PHF14: variants seen among roughly 807,000 people sequenced by gnomAD.
PHF14 encodes PHD finger protein 14.
A neutral mutation model predicts 117.9 loss-of-function variants in PHF14; 55 were observed. That is an observed-to-expected ratio of 0.47 (90% CI 0.38 to 0.58). The LOEUF (loss-of-function observed/expected upper bound fraction) is 0.58. Among genes scored for constraint, PHF14 ranks in the 20% least tolerant of loss-of-function variants. PHF14 has a pLI of 0.00. For missense variants in PHF14, 978 were observed against 1,122.2 expected (o/e 0.87, Z 1.84); for synonymous variants, 409 against 368.6 (o/e 1.11, Z -1.26).
Position 10,974,830 on chromosome 7 carries a change from C to G in PHF14, c.2-5C>G, listed in dbSNP as rs762381739. 1.0e-5 allele frequency: 15 copies of G among 1,495,834 alleles called. No individual in the cohort carries two copies. In the South Asian group the frequency reaches 1.6e-4, roughly 16 times the overall value. 92.7% of individuals were successfully genotyped at this position (1,495,834 alleles called of 1,614,324 possible). On this transcript the variant is annotated splice_polypyrimidine_tract_variant and splice_region_variant and intron_variant, in intron 1 of 17. Transcript: ENST00000634607. ...AATGACAATGTAATTTTTTTCTCTT[C>G]ACAGTGGATCGCAGCTCCAAGAGGA...
intron 17 of PHF14, among the ~76,000 whole-genome samples, chr7:11,158,938 T>G (rs1047017649): frequency 1.4e-4 from 21 of 152,230 alleles, no homozygotes; most frequent in Admixed American, 3.9e-4. Context: ...ATCTAGATAT[T>G]TTGTTATTTA....
chr7:11,052,809 C>CTTT (rs1784888240), intron 14 of PHF14, among the ~76,000 whole-genome samples: 1 of 152,054 alleles, frequency 6.6e-6, no homozygotes, highest in African/African-American at 2.4e-5. Flanking sequence ...GGGGTGTTTA[C>CTTT]CTTTTTCTCA....
intron 13 of PHF14, 58 bp from the exon 14 acceptor site, chr7:11,051,554 T>C: frequency 1.5e-6 from 2 of 1,377,050 alleles, no homozygotes; most frequent in Admixed American, 2.5e-5. Flanking sequence ...ATAAAAACTA[T>C]AGCTAAAGCC....
intron 7 of PHF14, among the ~76,000 whole-genome samples, chr7:11,033,644 T>C (rs1784207139): frequency 1.3e-5 from 2 of 152,188 alleles, no homozygotes; most frequent in African/African-American, 4.8e-5. Context: ...GTTTCTGCCA[T>C]AGTAAGTATT....
At chr7:11,161,259 GT>G (rs1789016166) in intron 17 of PHF14, among the ~76,000 whole-genome samples, 1 of 152,020 alleles carries the variant, frequency 6.6e-6, no homozygotes, top group Non-Finnish European at 1.5e-5. Context: ...CTCAATACAA[GT>G]TTTAAGTTTG....
At position 10,974,317 on chromosome 7, in the gene PHF14, A is replaced by T; in HGVS notation, c.-7A>T. ...TCTTCTCCAAACGACCACCTCACGG[A>T]TTCCTTAGTAAGTGTATCCGAGGCC... On this transcript the variant is annotated 5_prime_UTR_variant, in exon 1 of 18. Transcript: ENST00000634607. 1 of 1,591,038 alleles carries T rather than the reference A, an allele frequency of 6.3e-7. No homozygotes were observed. Among genetic ancestry groups the T allele is most frequent in the Non-Finnish European group, 8.6e-7 (1 of 1,168,166 alleles).
chr7:11,067,054 A>G (rs1010670465), intron 16 of PHF14, among the ~76,000 whole-genome samples: 3 of 152,184 alleles, frequency 2.0e-5, no homozygotes, highest in African/African-American at 7.2e-5. Flanking sequence ...ATAGGGGGGA[A>G]TATTTGCAAG....
At chr7:11,027,679 C>T (rs1288732152) in intron 6 of PHF14, among the ~76,000 whole-genome samples, 2 of 151,794 alleles carry the variant, frequency 1.3e-5, no homozygotes, top group Non-Finnish European at 2.9e-5. Context: ...ACCAATTTCA[C>T]CTGATTATTA....
At chr7:11,063,008 A>G in intron 16 of PHF14, 2 of 793,530 alleles carry the variant, frequency 2.5e-6, no homozygotes, top group Non-Finnish European at 3.1e-6. Flanking sequence ...CAAATATATT[A>G]GTGTTGTTGT....
chr7:11,025,357 G>A (rs1783870829), intron 6 of PHF14, among the ~76,000 whole-genome samples: 1 of 152,188 alleles, frequency 6.6e-6, no homozygotes, highest in South Asian at 2.1e-4. Flanking sequence ...TGATTAAGCA[G>A]GAAGAGGGTT....
At chr7:11,024,797 C>T (rs1783854467) in intron 6 of PHF14, among the ~76,000 whole-genome samples, 1 of 152,182 alleles carries the variant, frequency 6.6e-6, no homozygotes, top group South Asian at 2.1e-4. Context: ...TGATGAAGTA[C>T]AAGGAGATTA....
Position 11,022,946 on chromosome 7 carries a change from A to T in PHF14, c.1284A>T (p.Leu428=), listed in dbSNP as rs1342808046. Residue 428 remains leucine, a synonymous_variant, in exon 6 of 18, where the codon CTA becomes CTT. Coordinates refer to ENST00000634607, the MANE Select transcript of PHF14 (RefSeq NM_001007157.2). ...TTGACAAATTACGACCAGTAACACT[A>T]ACGGAAATGAACTATTCCAAATATG... ...GDIDKLRPVT[L]TEMNYSKYGA... 6.2e-7 allele frequency: 1 copy of T among 1,606,586 alleles called. No homozygotes were observed. Among genetic ancestry groups the T allele is most frequent in the Non-Finnish European group, 8.5e-7 (1 of 1,174,660 alleles).
In PHF14 at chr7:10,974,121, G is replaced by A. The variant is rs1781777942; in HGVS notation, c.-203G>A. 1 of 583,782 alleles carries A rather than the reference G, an allele frequency of 1.7e-6. No homozygotes were observed. The highest frequency in any genetic ancestry group is 2.0e-5 in the South Asian group (1 of 50,660). The allele number at this position is 583,782 out of a possible 1,614,324, so 36.2% of individuals were successfully genotyped here. A position where few individuals can be genotyped will look rare whatever the true frequency, so the allele number is the denominator to read the frequency against. On this transcript the variant is annotated 5_prime_UTR_variant, in exon 1 of 18. Coordinates refer to ENST00000634607, the MANE Select transcript of PHF14 (RefSeq NM_001007157.2). The stretch of plus-strand genomic sequence containing the variant: ...CTGTGGGAAGGGGCTCGAGCGGCCA[G>A]GGCCAGGCGAGGCCGGGGGGGCGGG...
chr7:11,147,383 T>C (rs573448762), intron 17 of PHF14, among the ~76,000 whole-genome samples: 1 of 152,298 alleles, frequency 6.6e-6, no homozygotes, highest in South Asian at 2.1e-4. Flanking sequence ...CTCCAGTTAT[T>C]ATCCATGTTC....
At chr7:11,076,523 G>A (rs1394352782) in intron 16 of PHF14, among the ~76,000 whole-genome samples, 1 of 149,954 alleles carries the variant, frequency 6.7e-6, no homozygotes, top group Non-Finnish European at 1.5e-5. Flanking sequence ...ATTGGGAACT[G>A]AATCTTCTTT....
intron 17 of PHF14, among the ~76,000 whole-genome samples, chr7:11,129,131 A>G (rs1381960635): frequency 2.0e-5 from 3 of 152,084 alleles, no homozygotes; most frequent in East Asian, 1.9e-4. Flanking sequence ...CTCCACTGCT[A>G]GCCTATTTTC....
chr7:11,107,654 C>A, intron 16 of PHF14: 1 of 663,366 alleles, frequency 1.5e-6, no homozygotes, highest in Non-Finnish European at 1.9e-6. Flanking sequence ...TAAGACATTG[C>A]CTTCCTATTT....
At chr7:11,051,564 C>T in intron 13 of PHF14, 48 bp from the exon 14 acceptor site, 2 of 1,476,312 alleles carry the variant, frequency 1.4e-6, no homozygotes, top group Non-Finnish European at 9.2e-7. Context: ...TAGCTAAAGC[C>T]AGAAGATAAT....
rs114322767 is a variant in PHF14 at position 10,987,251 on chromosome 7, G to A, written c.901-3452G>A. Among the ~76,000 whole-genome samples the A allele has an allele frequency of 3.9e-3, 600 of 152,214 alleles. 5 individuals carry two copies. Among genetic ancestry groups the A allele is most frequent in the African/African-American group, 0.014 (577 of 41,544 alleles). ...ATTTAACCTTTTCTAAAAATGTAGA[G>A]GAAGTATGATTGGTCAAGCTTTTTG... On this transcript the variant is annotated intron_variant, in intron 3 of 17. Transcript: ENST00000634607.
Sources: gnomAD v4.1 joint callset for allele counts (sites outside exome capture counted in the v4.1 genomes callset) on GRCh38, gnomAD v4.1.1 for gene constraint, MANE v1.5 for transcripts, NCBI Gene and HGNC (gene_info 2026-07-23, HGNC 2026-07-21) for gene names.